Variants in GABRG3 observed in about 807,000 individuals in gnomAD.
The protein encoded by GABRG3 is gamma-aminobutyric acid type A receptor subunit gamma3.
Under a neutral mutation model 48.8 loss-of-function variants are expected in GABRG3, and 25 were observed. The ratio of observed to expected loss-of-function variants is 0.51; its 90% CI spans 0.37 to 0.72. GABRG3 has a LOEUF of 0.72. Among genes scored for constraint, GABRG3 ranks in the 30% least tolerant of loss-of-function variants. The pLI, the probability that GABRG3 is intolerant of heterozygous loss-of-function variation, is 0.00. For synonymous variants in GABRG3, 227 were observed against 217.6 expected, an observed-to-expected ratio of 1.04 and a Z score of -0.38; for missense variants, 394 against 577.9, an observed-to-expected ratio of 0.68 and a Z score of 3.26.
At chr15:27,071,142 T>C (rs956990112) in intron 3 of GABRG3, among the ~76,000 whole-genome samples, 1 of 152,250 alleles carries the variant, frequency 6.6e-6, no homozygotes, top group Non-Finnish European at 1.5e-5. Context: ...GGAGGCGTCC[T>C]GTGTGTTTAA....
At chr15:27,012,874 T>C (rs1294749172) in intron 2 of GABRG3, among the ~76,000 whole-genome samples, 1 of 152,154 alleles carries the variant, frequency 6.6e-6, no homozygotes, top group Admixed American at 6.5e-5. Context: ...CCACTAATTA[T>C]TTGTAGAATG....
intron 5 of GABRG3, among the ~76,000 whole-genome samples, chr15:27,449,700 A>T (rs959830878): frequency 6.6e-6 from 1 of 152,218 alleles, no homozygotes; most frequent in Admixed American, 6.5e-5. Context: ...AAAGTTATCC[A>T]CATGTACTAG....
intron 7 of GABRG3, among the ~76,000 whole-genome samples, chr15:27,527,088 T>C (rs893557416): frequency 6.6e-6 from 1 of 152,208 alleles, no homozygotes; most frequent in East Asian, 1.9e-4. Flanking sequence ...AGGATTTAGC[T>C]GGGCAGAAAT....
At chr15:27,165,011 A>G (rs575242209) in intron 3 of GABRG3, among the ~76,000 whole-genome samples, 1 of 152,308 alleles carries the variant, frequency 6.6e-6, no homozygotes, top group East Asian at 1.9e-4. Flanking sequence ...TTTTCAAACC[A>G]TTCATATAAA....
At chr15:27,480,558 C>T in intron 5 of GABRG3, 92 bp from the exon 6 acceptor site, 1 of 1,214,730 alleles carries the variant, frequency 8.2e-7, no homozygotes. Flanking sequence ...TAACTCCTAA[C>T]TCCTGTAATT....
chr15:26,974,256 C>G lies in GABRG3; in HGVS notation c.53+2668C>G, dbSNP rs1476422451. Among the ~76,000 whole-genome samples, 1 of 152,194 alleles carries G rather than the reference C, an allele frequency of 6.6e-6. No individual in the cohort carries two copies. Among genetic ancestry groups the G allele is most frequent in the East Asian group, 1.9e-4 (1 of 5,200 alleles). On this transcript the variant is annotated intron_variant, in intron 1 of 9. Transcript: ENST00000615808. The surrounding 1 kb of genome is among the most constrained non-coding windows in gnomAD (Gnocchi z 4.3). ...TTTTTCTTGGTCCCCCTCACTGCCACCTGTCCTGGCCTCTAAGGAGGAAGC... is the reference window on the plus strand; with the variant it reads ...TTTTTCTTGGTCCCCCTCACTGCCAGCTGTCCTGGCCTCTAAGGAGGAAGC...
chr15:27,334,654 C>T (rs1893905404), intron 5 of GABRG3, among the ~76,000 whole-genome samples: 1 of 152,138 alleles, frequency 6.6e-6, no homozygotes, highest in Non-Finnish European at 1.5e-5. Flanking sequence ...TATCATTACT[C>T]TATCAAACAA....
At position 27,352,957 on chromosome 15, in the gene GABRG3, T is replaced by G. The variant is rs548899505; in HGVS notation, c.574+24069T>G. On this transcript the variant is annotated intron_variant, in intron 5 of 9. Transcript: ENST00000615808. This position sits in a 1 kb window ranked among gnomAD's most constrained non-coding sequence, Gnocchi z 4.0. ...CATTGAAAGCGAGTGGATCGTTTGA[T>G]GGTTGGGTGTTAGGTATTTGAAGTG... Among the ~76,000 whole-genome samples, 1 of 152,166 alleles carries G rather than the reference T, an allele frequency of 6.6e-6. No homozygotes were observed.
intron 3 of GABRG3, among the ~76,000 whole-genome samples, chr15:27,267,239 T>C (rs1286525537): frequency 6.6e-6 from 1 of 151,376 alleles, no homozygotes; most frequent in Non-Finnish European, 1.5e-5. Context: ...CCCAAGTAGC[T>C]GAGATTGCAG....
At chr15:27,348,616 G>C (rs1232573907) in intron 5 of GABRG3, among the ~76,000 whole-genome samples, 2 of 152,110 alleles carry the variant, frequency 1.3e-5, no homozygotes, top group Admixed American at 1.3e-4. Context: ...ACTGTACTTT[G>C]CCTCTTTCCA....
At chr15:27,244,963 G>A (rs1005736967) in intron 3 of GABRG3, among the ~76,000 whole-genome samples, 2 of 152,020 alleles carry the variant, frequency 1.3e-5, no homozygotes, top group African/African-American at 2.4e-5. Flanking sequence ...AAATTTCCAC[G>A]GGCTCCTTGC....
chr15:27,379,563 T>C (rs895712150), intron 5 of GABRG3, among the ~76,000 whole-genome samples: 67 of 152,248 alleles, frequency 4.4e-4, no homozygotes, highest in African/African-American at 1.5e-3. Context: ...TATATCATTT[T>C]CCGTCTTTCT....
intron 5 of GABRG3, among the ~76,000 whole-genome samples, chr15:27,421,538 A>G (rs1419449358): frequency 6.6e-6 from 1 of 151,460 alleles, no homozygotes; most frequent in Admixed American, 6.6e-5. Flanking sequence ...TATCCATTGG[A>G]GTGGGCTGCG....
intron 3 of GABRG3, among the ~76,000 whole-genome samples, chr15:27,207,496 G>T (rs1299052442): frequency 6.6e-6 from 1 of 152,182 alleles, no homozygotes; most frequent in Non-Finnish European, 1.5e-5. Flanking sequence ...GGGCTTCTTT[G>T]TGTAGGTACC....
chr15:27,463,021 T>C (rs114156196), intron 5 of GABRG3, among the ~76,000 whole-genome samples: 2,670 of 152,266 alleles, frequency 0.018, 55 homozygotes, highest in Middle Eastern at 0.085. Context: ...TTTGTAAAAG[T>C]TAATATTATT....
intron 3 of GABRG3, among the ~76,000 whole-genome samples, chr15:27,290,124 G>C (rs75439613): frequency 1.3e-5 from 2 of 152,022 alleles, no homozygotes; most frequent in African/African-American, 4.8e-5. Context: ...GAGGTATGTC[G>C]GAGCCAGCTG....
At chr15:27,420,643 T>A (rs1888085777) in intron 5 of GABRG3, 1 of 152,204 alleles carries the variant, frequency 6.6e-6, no homozygotes, top group Admixed American at 6.5e-5. Context: ...AACGTCAAGT[T>A]TTACACCTTA....
At chr15:27,359,029 C>A (rs536545558) in intron 5 of GABRG3, among the ~76,000 whole-genome samples, 22 of 152,356 alleles carry the variant, frequency 1.4e-4, no homozygotes, top group African/African-American at 5.3e-4. Flanking sequence ...CTTCTGGTGG[C>A]TGCCTGCACT....
intron 3 of GABRG3, among the ~76,000 whole-genome samples, chr15:27,171,739 G>A (rs117216241): frequency 0.026 from 4,031 of 152,144 alleles, 65 homozygotes; most frequent in Non-Finnish European, 0.041. Context: ...ATACATATGT[G>A]TGGTGCCTGC....
Sources: gnomAD v4.1 joint callset for allele counts (sites outside exome capture counted in the v4.1 genomes callset) on GRCh38, gnomAD v4.1.1 for gene constraint, Gnocchi (gnomAD v3.1) non-coding constraint, MANE v1.5 for transcripts, NCBI Gene and HGNC (gene_info 2026-07-23, HGNC 2026-07-21) for gene names.